The following MEIKIN variants were observed in gnomAD, a reference collection of about 807,000 sequenced individuals.
The protein encoded by MEIKIN is meiosis-specific kinetochore protein.
chr5:131,925,771 T>C (rs537834778), intron 5 of MEIKIN, among the ~76,000 whole-genome samples: 13 of 152,146 alleles, frequency 8.5e-5, no homozygotes, highest in Non-Finnish European at 1.8e-4. Context: ...CAGGTTAAAG[T>C]GATTCTCCTG....
intron 11 of MEIKIN, among the ~76,000 whole-genome samples, chr5:131,820,027 G>A (rs1317429526): frequency 8.9e-5 from 13 of 146,676 alleles, no homozygotes; most frequent in African/African-American, 2.3e-4. Context: ...CGCCCGCCTC[G>A]GCCTCCCAAA....
intron 11 of MEIKIN, among the ~76,000 whole-genome samples, chr5:131,840,687 C>T (rs938675124): frequency 6.6e-5 from 10 of 152,194 alleles, no homozygotes; most frequent in Non-Finnish European, 4.4e-5. Context: ...GTGTGTTTCT[C>T]AGTTCTATCA....
chr5:131,831,283 C>T (rs1749711624), intron 11 of MEIKIN, among the ~76,000 whole-genome samples: 1 of 152,164 alleles, frequency 6.6e-6, no homozygotes, highest in African/African-American at 2.4e-5. Context: ...GGCATGGTGG[C>T]TCACACCTGT....
chr5:131,868,717 C>CAAAA (rs56823877), intron 9 of MEIKIN, among the ~76,000 whole-genome samples: 1 of 74,976 alleles, frequency 1.3e-5, no homozygotes. Context: ...TCTGTCTCTA[C>CAAAA]AAAAAAAAAA....
chr5:131,858,221 CAAACAAACTTAACAGACA>C (rs1336723286), intron 9 of MEIKIN, among the ~76,000 whole-genome samples: 2 of 152,188 alleles, frequency 1.3e-5, no homozygotes, highest in Non-Finnish European at 2.9e-5. Flanking sequence ...AAATCTTCCT[CAAACAAACTTAACAGACA>C]CATAGACCAA....
chr5:131,942,932 T>C (rs1328614232), intron 3 of MEIKIN, among the ~76,000 whole-genome samples: 3 of 152,112 alleles, frequency 2.0e-5, no homozygotes, highest in Admixed American at 6.5e-5. Flanking sequence ...AATATGCTAG[T>C]CAAGTAACTA....
At chr5:131,923,440 A>T (rs976273716) in intron 5 of MEIKIN, among the ~76,000 whole-genome samples, 5 of 151,520 alleles carry the variant, frequency 3.3e-5, no homozygotes, top group African/African-American at 1.2e-4. Flanking sequence ...CTATTATTTG[A>T]TGTTGGATTT....
At chr5:131,848,687 G>A (rs1750059926) in intron 11 of MEIKIN, among the ~76,000 whole-genome samples, 1 of 152,138 alleles carries the variant, frequency 6.6e-6, no homozygotes, top group Admixed American at 6.6e-5. Flanking sequence ...ATTACCCAAA[G>A]TCAAACAAAG....
intron 8 of MEIKIN, among the ~76,000 whole-genome samples, chr5:131,898,294 A>G (rs1751088541): frequency 6.6e-6 from 1 of 152,116 alleles, no homozygotes; most frequent in African/African-American, 2.4e-5. Flanking sequence ...TTCCTCTGGA[A>G]GCTTTGTCCC....
chr5:131,943,838 C>G (rs964120131), intron 3 of MEIKIN, among the ~76,000 whole-genome samples: 1 of 152,034 alleles, frequency 6.6e-6, no homozygotes, highest in African/African-American at 2.4e-5. Flanking sequence ...TAGAACTTGG[C>G]CAGGTGTGAT....
chr5:131,934,522 AC>A (rs959658279), intron 4 of MEIKIN, among the ~76,000 whole-genome samples: 46 of 152,308 alleles, frequency 3.0e-4, no homozygotes, highest in Non-Finnish European at 6.2e-4. Flanking sequence ...ATATAAAAAA[AC>A]AAAATAAAAA....
intron 11 of MEIKIN, among the ~76,000 whole-genome samples, chr5:131,849,324 C>G (rs1201931158): frequency 6.6e-6 from 1 of 151,234 alleles, no homozygotes; most frequent in Non-Finnish European, 1.5e-5. Flanking sequence ...ATGTAAGATG[C>G]CTTGCTCCCC....
rs908013502 is a variant in MEIKIN at position 131,945,621 on chromosome 5, G to C, written c.-116C>G. ...GCGTCCAGGCGAGGCCCGCGGAGCA[G>C]CCTCACAGCAACTAATCGAGCGAAA... On this transcript the variant is annotated 5_prime_UTR_variant, in exon 1 of 13. Transcript: ENST00000442687. 27 of 397,748 alleles carry C rather than the reference G, an allele frequency of 6.8e-5. No individual in the cohort carries two copies. The Admixed American group carries it at 7.5e-4, about 11-fold the overall frequency. The allele number at this position is 397,748 out of a possible 1,614,324, so 24.6% of individuals were successfully genotyped here.
intron 12 of MEIKIN, among the ~76,000 whole-genome samples, chr5:131,809,982 C>A (rs1242664367): frequency 6.6e-6 from 1 of 152,176 alleles, no homozygotes; most frequent in African/African-American, 2.4e-5. Flanking sequence ...GTCCTCACAA[C>A]AATTCTTTGA....
At chr5:131,890,125 T>C (rs1033956892) in intron 8 of MEIKIN, among the ~76,000 whole-genome samples, 1 of 151,980 alleles carries the variant, frequency 6.6e-6, no homozygotes, top group Non-Finnish European at 1.5e-5. Flanking sequence ...AGTATTTTAT[T>C]GAGGATTTTT....
At chr5:131,853,767 G>C (rs898846339) in intron 10 of MEIKIN, among the ~76,000 whole-genome samples, 1 of 152,074 alleles carries the variant, frequency 6.6e-6, no homozygotes, top group African/African-American at 2.4e-5. Context: ...ATCCTTATTA[G>C]GGAAATACAA....
chr5:131,900,901 C>T (rs1282582584), intron 8 of MEIKIN, among the ~76,000 whole-genome samples: 1 of 152,178 alleles, frequency 6.6e-6, no homozygotes, highest in Admixed American at 6.5e-5. Context: ...CTGCAGCCTC[C>T]CTTGTGCGGC....
intron 10 of MEIKIN, among the ~76,000 whole-genome samples, chr5:131,853,956 T>G (rs561217913): frequency 2.0e-5 from 3 of 152,216 alleles, no homozygotes; most frequent in African/African-American, 7.2e-5. Context: ...AAAGAAAAAT[T>G]GAATTACAAT....
At position 131,942,668 on chromosome 5, in the gene MEIKIN, CAA is replaced by C; in HGVS notation, c.314_315del (p.Val105GlyfsTer2). 2.5e-6 allele frequency: 1 copy of C among 398,544 alleles called. No homozygotes were observed. Among genetic ancestry groups the C allele is most frequent in the Non-Finnish European group, 4.4e-6 (1 of 225,806 alleles). 24.7% of individuals were successfully genotyped at this position (398,544 alleles called of 1,614,324 possible). A position where few individuals can be genotyped will look rare whatever the true frequency, so the allele number is the denominator to read the frequency against. On this transcript the variant is annotated frameshift_variant, in exon 4 of 13. Coordinates refer to ENST00000442687, the MANE Select transcript of MEIKIN (RefSeq NM_001303622.2). LOFTEE classifies it high-confidence loss of function. ...AGTTCACTATTTGATGAACTACTAT[CAA>C]CCTGGAGGTCATCAGTAACTGATTC... ...LRESVTDDLQ[V>X]DSSSSNSELV...
Sources: gnomAD v4.1 joint callset for allele counts (sites outside exome capture counted in the v4.1 genomes callset) on GRCh38, gnomAD v4.1.1 for gene constraint, MANE v1.5 for transcripts, NCBI Gene and HGNC (gene_info 2026-07-23, HGNC 2026-07-21) for gene names.